The following FAM185A variants were observed in gnomAD, a reference collection of about 807,000 sequenced individuals.
The protein encoded by FAM185A is family with sequence similarity 185 member A, also known as protein FAM185A.
In FAM185A, 21 loss-of-function variants were observed where a neutral mutation model predicts 45.7. The ratio of observed to expected loss-of-function variants is 0.46; its 90% CI spans 0.33 to 0.66. FAM185A has a LOEUF of 0.66. FAM185A is among the 30% of genes least tolerant of loss of function. The probability of loss-of-function intolerance (pLI) is 0.03; values close to 1 mark genes in which losing one functional copy is unlikely to be tolerated. For missense variants in FAM185A, 305 were observed against 485.4 expected (o/e 0.63, Z 3.49); for synonymous variants, 117 against 194.0 (o/e 0.60, Z 3.30).
chr7:102,791,159 T>C (rs1796117883), intron 7 of FAM185A, among the ~76,000 whole-genome samples: 1 of 151,780 alleles, frequency 6.6e-6, no homozygotes, highest in Non-Finnish European at 1.5e-5. Context: ...CAGTTTGGAT[T>C]TTATATTAAG....
In FAM185A at chr7:102,807,274, A is replaced by C. The variant is rs545020969; in HGVS notation, c.1067-1016A>C. Among the ~76,000 whole-genome samples, 4 of 152,250 alleles carry C rather than the reference A, an allele frequency of 2.6e-5. No individual in the cohort carries two copies. In the South Asian group the frequency reaches 8.3e-4, roughly 32 times the overall value. On this transcript the variant is annotated intron_variant, in intron 7 of 7. Coordinates refer to ENST00000413034, the MANE Select transcript of FAM185A (RefSeq NM_001145268.2). ...ATTTTTGGGAGTGATGAATATGTTGACTATCTTGATTAAGGAAATATGGTT... is the reference window on the plus strand; with the variant it reads ...ATTTTTGGGAGTGATGAATATGTTGCCTATCTTGATTAAGGAAATATGGTT...
chr7:102,792,324 C>T (rs1412160917), intron 7 of FAM185A, among the ~76,000 whole-genome samples: 1 of 142,808 alleles, frequency 7.0e-6, no homozygotes, highest in Admixed American at 7.1e-5. Flanking sequence ...CAGGCTGAAA[C>T]ATTTACCTAC....
intron 6 of FAM185A, among the ~76,000 whole-genome samples, chr7:102,778,475 G>A (rs1795207916): frequency 6.6e-6 from 1 of 152,396 alleles, no homozygotes; most frequent in Admixed American, 6.5e-5. Flanking sequence ...TAAGAACAAA[G>A]TTTTGAATAA....
At chr7:102,821,078 G>T in the FAM185A span, among the ~76,000 whole-genome samples, 1 of 152,176 alleles carries the variant, frequency 6.6e-6, no homozygotes, top group African/African-American at 2.4e-5. Flanking sequence ...TGAGTAACAC[G>T]TTATTCATTC....
chr7:102,754,084 G>T (rs1157357500), intron 2 of FAM185A, among the ~76,000 whole-genome samples: 9 of 152,150 alleles, frequency 5.9e-5, no homozygotes, highest in African/African-American at 1.9e-4. Flanking sequence ...AAAATATCTG[G>T]TTTAAGTTTT....
At chr7:102,829,876 C>G in the FAM185A span, among the ~76,000 whole-genome samples, 1 of 152,106 alleles carries the variant, frequency 6.6e-6, no homozygotes. Flanking sequence ...TTAGGTTGGA[C>G]CACAGCCTTA....
the FAM185A span, among the ~76,000 whole-genome samples, chr7:102,818,773 A>AT: frequency 6.6e-6 from 1 of 152,144 alleles, no homozygotes; most frequent in Non-Finnish European, 1.5e-5. Flanking sequence ...AGTTCCCTTT[A>AT]TTTTTTTAAA....
intron 4 of FAM185A, among the ~76,000 whole-genome samples, chr7:102,762,056 T>C (rs1365171503): frequency 2.0e-5 from 3 of 152,210 alleles, no homozygotes; most frequent in Non-Finnish European, 4.4e-5. Context: ...TACTGAATGA[T>C]TGCTTTTATG....
At chr7:102,819,251 A>G in the FAM185A span, among the ~76,000 whole-genome samples, 4 of 152,074 alleles carry the variant, frequency 2.6e-5, no homozygotes, top group African/African-American at 9.7e-5. Context: ...CTTCAAATAC[A>G]AATAGCTTGT....
intron 7 of FAM185A, among the ~76,000 whole-genome samples, chr7:102,802,044 G>A (rs1019761797): frequency 9.2e-5 from 14 of 152,024 alleles, no homozygotes; most frequent in African/African-American, 1.7e-4. Flanking sequence ...TTATAAAACA[G>A]TTACTAATAG....
At chr7:102,827,938 C>T in the FAM185A span, among the ~76,000 whole-genome samples, 69 of 152,212 alleles carry the variant, frequency 4.5e-4, no homozygotes, top group East Asian at 2.9e-3. Flanking sequence ...TTCCATTGGT[C>T]TATATCTCTG....
chr7:102,818,788 T>G, the FAM185A span, among the ~76,000 whole-genome samples: 18 of 152,160 alleles, frequency 1.2e-4, no homozygotes, highest in African/African-American at 4.1e-4. Flanking sequence ...TTTAAAAAAT[T>G]TATTTCCAAC....
the FAM185A span, among the ~76,000 whole-genome samples, chr7:102,833,436 C>CTTTTTTT: frequency 7.4e-6 from 1 of 134,614 alleles, no homozygotes. Context: ...AGCCTGTTTC[C>CTTTTTTT]TTTTTTTTTT....
intron 4 of FAM185A, among the ~76,000 whole-genome samples, chr7:102,768,800 A>C (rs1302158020): frequency 2.6e-5 from 4 of 152,244 alleles, no homozygotes; most frequent in Non-Finnish European, 5.9e-5. Flanking sequence ...ATAACTTGAG[A>C]GTAGGGTAAG....
chr7:102,848,183 C>T, the FAM185A span, among the ~76,000 whole-genome samples: 2 of 152,130 alleles, frequency 1.3e-5, no homozygotes, highest in Admixed American at 1.3e-4. Flanking sequence ...TAATCAACTA[C>T]CTCAACCTGC....
At chr7:102,838,240 G>A in the FAM185A span, among the ~76,000 whole-genome samples, 1 of 152,140 alleles carries the variant, frequency 6.6e-6, no homozygotes, top group Non-Finnish European at 1.5e-5. Flanking sequence ...TCAGTGGTGT[G>A]GGAATAACAC....
chr7:102,751,204 C>G (rs905311199), intron 1 of FAM185A, among the ~76,000 whole-genome samples: 1 of 152,218 alleles, frequency 6.6e-6, no homozygotes, highest in African/African-American at 2.4e-5. Context: ...GCATGAGCCA[C>G]TGCTCATGGC....
downstream of FAM185A, among the ~76,000 whole-genome samples, chr7:102,810,101 C>A (rs1305572218): frequency 6.6e-6 from 1 of 152,174 alleles, no homozygotes; most frequent in Non-Finnish European, 1.5e-5. Flanking sequence ...CCTGCAGAAC[C>A]AATTAAACCT....
At position 102,749,331 on chromosome 7, in the gene FAM185A, G is replaced by A. The variant is rs1247106268; in HGVS notation, c.124G>A (p.Gly42Ser). 2 of 1,549,444 alleles carry A rather than the reference G, an allele frequency of 1.3e-6. No individual in the cohort carries two copies. The highest frequency in any genetic ancestry group is 2.0e-4 in the Middle Eastern group (1 of 4,996). Residue 42 changes from glycine (G) to serine (S), a missense_variant, in exon 1 of 8, where the codon GGT becomes AGT. Physicochemically the swap from Gly to Ser is moderately conservative, Grantham distance 56 (BLOSUM62 0). This residue lies in a region of FAM185A where 174 missense variants were observed against 247.1 expected (regional missense o/e 0.70). Coordinates refer to ENST00000413034, the MANE Select transcript of FAM185A (RefSeq NM_001145268.2). The part of the protein sequence containing the change: ...WACQARPYSS[G>S]GSERWPGSET... Reference sequence around the variant, plus strand: ...TTGCCAAGCCAGGCCGTACAGCTCAGGTGGGAGCGAGCGCTGGCCCGGATC... The same window carrying A: ...TTGCCAAGCCAGGCCGTACAGCTCAAGTGGGAGCGAGCGCTGGCCCGGATC...
Sources: gnomAD v4.1 joint callset for allele counts (sites outside exome capture counted in the v4.1 genomes callset) on GRCh38, gnomAD v4.1.1 for gene constraint, gnomAD v4.1.1 regional missense constraint, MANE v1.5 for transcripts, NCBI Gene and HGNC (gene_info 2026-07-23, HGNC 2026-07-21) for gene names.